ARID4B: variants seen among roughly 807,000 people sequenced by gnomAD.
The protein encoded by ARID4B is AT-rich interactive domain-containing protein 4B.
A neutral mutation model predicts 147.5 loss-of-function variants in ARID4B; 26 were observed. The observed-to-expected ratio is 0.18, with a 90% CI of 0.13 to 0.24. The LOEUF is 0.24. ARID4B is among the 10% of genes least tolerant of loss of function. ARID4B has a pLI of 1.00. For synonymous variants in ARID4B, 512 were observed against 507.9 expected, an observed-to-expected ratio of 1.01 and a Z score of -0.11; for missense variants, 1,179 against 1,511.5, an observed-to-expected ratio of 0.78 and a Z score of 3.65.
chr1:235,169,272 T>C (rs1663157691), intron 23 of ARID4B, among the ~76,000 whole-genome samples: 1 of 152,016 alleles, frequency 6.6e-6, no homozygotes, highest in Non-Finnish European at 1.5e-5. Flanking sequence ...AGTCTCGCTC[T>C]GTCTGTCGCC....
intron 2 of ARID4B, among the ~76,000 whole-genome samples, chr1:235,318,461 C>T (rs756028298): frequency 7.2e-5 from 11 of 152,038 alleles, no homozygotes; most frequent in Middle Eastern, 3.4e-3. Flanking sequence ...CGTGAGCCAT[C>T]GCGCCTGGTC....
chr1:235,191,265 T>C (rs1315766814), intron 19 of ARID4B, among the ~76,000 whole-genome samples: 1 of 149,934 alleles, frequency 6.7e-6, no homozygotes, highest in Non-Finnish European at 1.5e-5. Context: ...TTATTTTTTT[T>C]AAGATGGAGT....
intron 17 of ARID4B, among the ~76,000 whole-genome samples, chr1:235,197,233 T>C (rs776620286): frequency 2.0e-5 from 3 of 152,208 alleles, no homozygotes; most frequent in African/African-American, 4.8e-5. Flanking sequence ...TGTTCAAAGT[T>C]ATATACATTA....
chr1:235,221,733 G>GTATA (rs1667475653), intron 13 of ARID4B, 71 bp from the exon 14 acceptor site: 1 of 636,504 alleles, frequency 1.6e-6, no homozygotes, highest in African/African-American at 1.9e-5. Context: ...GATAGACACA[G>GTATA]TATATATGAG....
chr1:235,235,871 G>C (rs1421043316), intron 8 of ARID4B, among the ~76,000 whole-genome samples: 2 of 151,958 alleles, frequency 1.3e-5, no homozygotes, highest in African/African-American at 2.4e-5. Context: ...CACAGTCCTA[G>C]TCAGGGTAAA....
At chr1:235,191,313 ATCT>A (rs1486725868) in intron 19 of ARID4B, among the ~76,000 whole-genome samples, 1 of 149,720 alleles carries the variant, frequency 6.7e-6, no homozygotes, top group Non-Finnish European at 1.5e-5. Context: ...CAATGGTGTG[ATCT>A]TGACTCACTG....
intron 2 of ARID4B, among the ~76,000 whole-genome samples, chr1:235,261,263 T>C (rs1367079941): frequency 6.6e-6 from 1 of 152,166 alleles, no homozygotes; most frequent in African/African-American, 2.4e-5. Context: ...TTCCTGCCTA[T>C]AATCCCAGAA....
chr1:235,170,910 CAAAAAAA>C (rs1164420998), intron 23 of ARID4B, among the ~76,000 whole-genome samples: 1 of 61,448 alleles, frequency 1.6e-5, no homozygotes, highest in Non-Finnish European at 3.4e-5. Context: ...GACTCCGTCT[CAAAAAAA>C]AAAAAAAAAA....
chr1:235,259,429 C>T (rs992781927), intron 3 of ARID4B, among the ~76,000 whole-genome samples: 2 of 152,234 alleles, frequency 1.3e-5, no homozygotes, highest in African/African-American at 4.8e-5. Context: ...GAAGGCTTTC[C>T]ACCAGGAGAG....
chr1:235,257,106 A>G, intron 4 of ARID4B, 54 bp downstream of exon 4: 1 of 1,201,118 alleles, frequency 8.3e-7, no homozygotes, highest in South Asian at 1.2e-5. Context: ...AATACCAAGT[A>G]TGATTATTTT....
chr1:235,242,854 C>T (rs995888220), intron 7 of ARID4B, among the ~76,000 whole-genome samples: 11 of 152,148 alleles, frequency 7.2e-5, no homozygotes, highest in Admixed American at 6.5e-5. Context: ...TGCCCCTTCC[C>T]CCTCACCTAC....
At chr1:235,193,689 C>G (rs1049995202) in intron 19 of ARID4B, among the ~76,000 whole-genome samples, 1 of 152,156 alleles carries the variant, frequency 6.6e-6, no homozygotes, top group African/African-American at 2.4e-5. Flanking sequence ...CATCCCAAAT[C>G]CAAAATCTGA....
At chr1:235,234,550 C>A in intron 8 of ARID4B, 58 bp from the exon 9 acceptor site, 15 of 1,189,750 alleles carry the variant, frequency 1.3e-5, no homozygotes, top group Non-Finnish European at 1.8e-5. Context: ...TAGGTAAGTA[C>A]CCACCATTTA....
intron 19 of ARID4B, among the ~76,000 whole-genome samples, chr1:235,189,163 G>T (rs910277883): frequency 2.0e-5 from 3 of 152,144 alleles, no homozygotes; most frequent in African/African-American, 7.2e-5. Context: ...CACTGTGGGA[G>T]GCTGAGGCAG....
In ARID4B at chr1:235,276,746, C is replaced by T. The variant is rs182335127; in HGVS notation, c.7-15994G>A. Reference sequence around the variant, plus strand: ...GGCGCGGTGGCTCATGCCTATAATCCCAGCACTTTGGGAGGCCGAAGCAGG... The same window carrying T: ...GGCGCGGTGGCTCATGCCTATAATCTCAGCACTTTGGGAGGCCGAAGCAGG... On this transcript the variant is annotated intron_variant, in intron 2 of 23. Coordinates refer to ENST00000264183, the MANE Select transcript of ARID4B (RefSeq NM_016374.6). 5.3e-5 allele frequency among the ~76,000 whole-genome samples: 8 copies of T among 152,078 alleles called. No individual in the cohort carries two copies. The East Asian group carries it at 1.5e-3, about 29-fold the overall frequency.
Position 235,219,889 on chromosome 1 carries a change from T to C in ARID4B, c.1487A>G (p.Asp496Gly), listed in dbSNP as rs1558214761. ...ATCTTTGTCATCCAGATTTTCATTG[T>C]CTTCTGGTTTTTTAATGTTAACTTC... is the stretch of plus-strand genomic sequence containing the variant. ...EKEVNIKKPE[D>G]NENLDDKDDD... Residue 496 changes from aspartate (D) to glycine (G), a missense_variant, in exon 16 of 24, where the codon GAC (aspartate) becomes GGC (glycine). Asp to Gly is a moderately conservative substitution (Grantham distance 94). This residue lies in a region of ARID4B where 204 missense variants were observed against 210.9 expected (regional missense o/e 0.97). Transcript: ENST00000264183. 6.2e-7 allele frequency: 1 copy of C among 1,601,518 alleles called. No homozygotes were observed. Among genetic ancestry groups the C allele is most frequent in the Admixed American group, 1.7e-5 (1 of 59,228 alleles).
At position 235,229,137 on chromosome 1, in the gene ARID4B, T is replaced by C. The variant is rs550843130; in HGVS notation, c.897+94A>G. 1.4e-5 allele frequency: 19 copies of C among 1,364,068 alleles called. No individual in the cohort carries two copies. The South Asian group carries it at 1.9e-4, about 13-fold the overall frequency. The allele number at this position is 1,364,068 out of a possible 1,614,324, so 84.5% of individuals were successfully genotyped here. On this transcript the variant is annotated intron_variant, in intron 11 of 23. Transcript: ENST00000264183. ...GAAATATTTCTCATACTAAAAATAC[T>C]TATATGAGTAATGACTTAATGCCAA...
At chr1:235,230,908 ACT>A (rs1205031320) in intron 10 of ARID4B, among the ~76,000 whole-genome samples, 3 of 148,574 alleles carry the variant, frequency 2.0e-5, no homozygotes, top group African/African-American at 5.2e-5. Context: ...ACAGAGCAAG[ACT>A]CTGTCTCCAA....
At chr1:235,185,727 A>C (rs1288655552) in intron 19 of ARID4B, among the ~76,000 whole-genome samples, 1 of 152,232 alleles carries the variant, frequency 6.6e-6, no homozygotes, top group Non-Finnish European at 1.5e-5. Flanking sequence ...ACAGAATTCT[A>C]GGTTAAAAAT....
Sources: gnomAD v4.1 joint callset for allele counts (sites outside exome capture counted in the v4.1 genomes callset) on GRCh38, gnomAD v4.1.1 for gene constraint, gnomAD v4.1.1 regional missense constraint, MANE v1.5 for transcripts, NCBI Gene and HGNC (gene_info 2026-07-23, HGNC 2026-07-21) for gene names.